PCDH15: variants seen among roughly 807,000 people sequenced by gnomAD.
PCDH15 encodes the protein protocadherin related 15.
PCDH15 carries 129 observed loss-of-function variants against 178.5 expected under a neutral mutation model. The ratio of observed to expected loss-of-function variants is 0.72; its 90% confidence interval spans 0.63 to 0.84. The LOEUF (loss-of-function observed/expected upper bound fraction) is 0.84. PCDH15 is among the 40% of genes least tolerant of loss of function. The pLI, the probability that PCDH15 is intolerant of heterozygous loss-of-function variation, is 0.00. For synonymous variants in PCDH15, 800 were observed against 732.0 expected, an observed-to-expected ratio of 1.09 and a Z score of -1.50; for missense variants, 2,230 against 2,099.9, an observed-to-expected ratio of 1.06 and a Z score of -1.21.
intron 1 of PCDH15, among the ~76,000 whole-genome samples, chr10:54,689,859 T>C (rs1364497448): frequency 6.6e-6 from 1 of 152,042 alleles, no homozygotes; most frequent in Non-Finnish European, 1.5e-5. Context: ...AATAATTCTA[T>C]TGGATGGGAG....
intron 3 of PCDH15, among the ~76,000 whole-genome samples, chr10:54,841,912 C>G (rs1953425305): frequency 6.6e-6 from 1 of 151,694 alleles, no homozygotes; most frequent in Non-Finnish European, 1.5e-5. Context: ...CTGATAATTA[C>G]CTGATATAAA....
intron 3 of PCDH15, among the ~76,000 whole-genome samples, chr10:54,493,425 T>C (rs567693937): frequency 2.6e-5 from 4 of 152,174 alleles, no homozygotes; most frequent in African/African-American, 9.6e-5. Flanking sequence ...AACACAGATA[T>C]TGGCATATTG....
intron 2 of PCDH15, among the ~76,000 whole-genome samples, chr10:55,003,624 A>C (rs1839849659): frequency 6.6e-6 from 1 of 152,220 alleles, no homozygotes; most frequent in African/African-American, 2.4e-5. Flanking sequence ...TGTTTGCATA[A>C]GTTCAATAAG....
intron 2 of PCDH15, among the ~76,000 whole-genome samples, chr10:54,550,263 C>A (rs2086404687): frequency 6.6e-6 from 1 of 152,056 alleles, no homozygotes; most frequent in Non-Finnish European, 1.5e-5. Context: ...CAGCTAAAAT[C>A]CTGAAATAGG....
At chr10:54,417,458 A>G (rs1954603528) in intron 3 of PCDH15, among the ~76,000 whole-genome samples, 1 of 152,160 alleles carries the variant, frequency 6.6e-6, no homozygotes, top group Non-Finnish European at 1.5e-5. Context: ...ACCCTTTCAC[A>G]TAGTCTTGGG....
rs939360143 is a variant in PCDH15 at position 54,865,372 on chromosome 10, G to A, written c.-29+32078C>T. Among the ~76,000 whole-genome samples, 9 of 152,102 alleles carry A rather than the reference G, an allele frequency of 5.9e-5. No individual in the cohort carries two copies. The East Asian group carries it at 9.6e-4, about 16-fold the overall frequency. ...CTTACATCAGTGGCTTGTGGGGGAC[G>A]CTCAAGACTTTGACCACACACTGAA... is the stretch of plus-strand genomic sequence containing the variant. On this transcript the variant is annotated intron_variant, in intron 3 of 5. Transcript: ENST00000458638.
chr10:55,450,835 C>T (rs1006870947), intron 2 of PCDH15, among the ~76,000 whole-genome samples: 2 of 151,794 alleles, frequency 1.3e-5, no homozygotes, highest in African/African-American at 4.8e-5. Flanking sequence ...AGCAATCTCC[C>T]ATATCACCTA....
At chr10:54,135,044 A>C (rs1038350982) in intron 14 of PCDH15, among the ~76,000 whole-genome samples, 1 of 151,526 alleles carries the variant, frequency 6.6e-6, no homozygotes, top group African/African-American at 2.4e-5. Flanking sequence ...TCTCGACTAA[A>C]AAACACAAAA....
At chr10:55,018,015 T>C (rs1410498597) in intron 2 of PCDH15, among the ~76,000 whole-genome samples, 1 of 152,092 alleles carries the variant, frequency 6.6e-6, no homozygotes, top group Non-Finnish European at 1.5e-5. Flanking sequence ...TAAGCAACAA[T>C]TTAACATTTA....
At chr10:55,227,550 A>T (rs1406968273) in intron 1 of PCDH15, among the ~76,000 whole-genome samples, 1 of 149,300 alleles carries the variant, frequency 6.7e-6, no homozygotes, top group Non-Finnish European at 1.5e-5. Context: ...AGGTGCCAGG[A>T]GAAAGACTTC....
intron 26 of PCDH15, among the ~76,000 whole-genome samples, chr10:53,889,054 A>C (rs1452124513): frequency 6.6e-6 from 1 of 151,676 alleles, no homozygotes; most frequent in Non-Finnish European, 1.5e-5. Flanking sequence ...GACCTCCTAC[A>C]TCACTCCAAA....
chr10:55,601,448 C>T (rs554535697), intron 2 of PCDH15, among the ~76,000 whole-genome samples: 6 of 152,034 alleles, frequency 3.9e-5, no homozygotes, highest in South Asian at 4.2e-4. Context: ...ACAGGAATAA[C>T]GTAAAAGACA....
At position 55,011,859 on chromosome 10, in the gene PCDH15, G is replaced by A. The variant is rs193139494; in HGVS notation, c.-79-114359C>T. Among the ~76,000 whole-genome samples the A allele has an allele frequency of 1.7e-3, 255 of 152,164 alleles. 1 individual carries two copies. The highest frequency in any genetic ancestry group is 5.8e-3 in the African/African-American group (241 of 41,554). Reference sequence around the variant, plus strand: ...ATTAACTCAAAAAATGGCATGATGAGTACTTGAGCCACTGTGTATGAAAAA... The same window carrying A: ...ATTAACTCAAAAAATGGCATGATGAATACTTGAGCCACTGTGTATGAAAAA... On this transcript the variant is annotated intron_variant, in intron 2 of 5. Transcript: ENST00000458638.
chr10:55,520,162 T>A (rs1333163068), intron 2 of PCDH15, among the ~76,000 whole-genome samples: 1 of 91,238 alleles, frequency 1.1e-5, no homozygotes, highest in African/African-American at 4.3e-5. Context: ...ACGCAATGTG[T>A]ATATATATAT....
intron 3 of PCDH15, among the ~76,000 whole-genome samples, chr10:54,837,621 A>T (rs1315622653): frequency 6.6e-6 from 1 of 152,156 alleles, no homozygotes; most frequent in East Asian, 1.9e-4. Flanking sequence ...AGTCAATCTA[A>T]ACTATGTAAA....
chr10:54,572,625 T>C (rs1443323695), intron 2 of PCDH15, among the ~76,000 whole-genome samples: 1 of 152,124 alleles, frequency 6.6e-6, no homozygotes, highest in Non-Finnish European at 1.5e-5. Flanking sequence ...GTATTAAATA[T>C]GTTTTGATGA....
chr10:54,648,250 A>G (rs1312151464), intron 2 of PCDH15, among the ~76,000 whole-genome samples: 1 of 152,128 alleles, frequency 6.6e-6, no homozygotes, highest in African/African-American at 2.4e-5. Context: ...ATGTGTATTC[A>G]TCACTGACAA....
chr10:55,187,104 A>C (rs1401309028), intron 1 of PCDH15, among the ~76,000 whole-genome samples: 2 of 151,942 alleles, frequency 1.3e-5, no homozygotes, highest in African/African-American at 4.8e-5. Context: ...TGAACAAGAT[A>C]GTCAATGTTC....
intron 3 of PCDH15, among the ~76,000 whole-genome samples, chr10:54,828,216 C>A (rs1040079043): frequency 1.3e-5 from 2 of 151,880 alleles, no homozygotes; most frequent in Admixed American, 6.6e-5. Flanking sequence ...ACTACCCATT[C>A]ATAGAGTGCA....
Sources: gnomAD v4.1 joint callset for allele counts (sites outside exome capture counted in the v4.1 genomes callset) on GRCh38, gnomAD v4.1.1 for gene constraint, MANE v1.5 for transcripts, NCBI Gene and HGNC (gene_info 2026-07-23, HGNC 2026-07-21) for gene names.